GP6: variants seen among roughly 807,000 people sequenced by gnomAD.
GP6 encodes platelet glycoprotein VI.
A neutral mutation model predicts 37.3 loss-of-function variants in GP6; 45 were observed. The observed-to-expected ratio is 1.21, with a 90% confidence interval of 0.95 to 1.55. GP6 has a LOEUF of 1.55. Among genes scored for constraint, GP6 ranks in the 40% most tolerant of loss-of-function variants. The probability of loss-of-function intolerance (pLI) is 0.00; values close to 1 mark genes in which losing one functional copy is unlikely to be tolerated. For missense variants in GP6, 813 were observed against 760.2 expected, an observed-to-expected ratio of 1.07 and a Z score of -0.82; for synonymous variants, 340 against 316.4, an observed-to-expected ratio of 1.07 and a Z score of -0.79.
chr19:55,021,674 CCA>C (rs2074092835), intron 5 of GP6, among the ~76,000 whole-genome samples: 1 of 151,966 alleles, frequency 6.6e-6, no homozygotes. Context: ...GCGCCCGCCA[CCA>C]CGCCCGGCTA....
At chr19:55,024,360 A>ATGCACACACG (rs796633674) in intron 5 of GP6, among the ~76,000 whole-genome samples, 2 of 130,572 alleles carry the variant, frequency 1.5e-5, no homozygotes, top group South Asian at 2.3e-4. Context: ...ACGCACACAC[A>ATGCACACACG]CATATGCACG....
At chr19:55,031,444 C>T (rs903887696) in intron 3 of GP6, among the ~76,000 whole-genome samples, 7 of 151,990 alleles carry the variant, frequency 4.6e-5, no homozygotes, top group Non-Finnish European at 8.8e-5. Context: ...AAGACCCCAT[C>T]GCTAATTTTT....
intron 5 of GP6, among the ~76,000 whole-genome samples, chr19:55,023,119 A>G (rs1311107139): frequency 6.6e-6 from 1 of 152,222 alleles, no homozygotes; most frequent in Non-Finnish European, 1.5e-5. Context: ...ACAAGGTGAT[A>G]GTAACCAAAA....
rs771558250 is a variant in GP6 at position 55,032,187 on chromosome 19, C to T, written c.277G>A (p.Gly93Arg). The T allele has an allele frequency of 4.3e-6, 7 of 1,613,888 alleles. No homozygotes were observed. Among genetic ancestry groups the T allele is most frequent in the South Asian group, 1.1e-5 (1 of 91,084 alleles). Residue 93 changes from glycine (G) to arginine (R), a missense_variant, in exon 3 of 8, where the codon GGA becomes AGA. Gly to Arg is a moderately radical substitution (Grantham distance 125, BLOSUM62 -2). Coordinates refer to ENST00000310373, the MANE Select transcript of GP6 (RefSeq NM_001083899.2). Reference sequence around the variant, plus strand: ...TCGCTGGGCAGGGACCAGAGGCTTCCGTTCTGGTAGGAGCAGCGGTAGCGT... The same window carrying T: ...TCGCTGGGCAGGGACCAGAGGCTTCTGTTCTGGTAGGAGCAGCGGTAGCGT...
At position 55,029,356 on chromosome 19, in the gene GP6, A is replaced by T. The variant is rs1568628960; in HGVS notation, c.326-1494T>A. ...TATATATATATATATATATATATAT[A>T]TATATATATATATATATATTTTTTT... is the stretch of plus-strand genomic sequence containing the variant. On this transcript the variant is annotated intron_variant, in intron 3 of 7. Transcript: ENST00000310373. Among the ~76,000 whole-genome samples, 6 of 2,602 alleles carry T rather than the reference A, an allele frequency of 2.3e-3. 1 individual carries two copies. Among genetic ancestry groups the T allele is most frequent in the Non-Finnish European group, 2.5e-3 (4 of 1,600 alleles). The allele number at this position is 2,602 out of a possible 152,430, so 1.7% of individuals were successfully genotyped here.
chr19:55,032,388 G>C lies in GP6; in HGVS notation c.76C>G (p.Pro26Ala). The change falls in exon 3 of 8, where the codon CCC becomes GCC. Residue 26 changes from proline to alanine, a missense_variant. Coordinates refer to ENST00000310373, the MANE Select transcript of GP6 (RefSeq NM_001083899.2). The stretch of plus-strand genomic sequence containing the variant: ...GGCAGAGCCTGGAGGGAGGGCTTGG[G>C]GAGCGGTCCTGGAAGAGGAGCAGGG... The C allele has an allele frequency of 1.2e-6, 2 of 1,613,082 alleles. No individual in the cohort carries two copies. The highest frequency in any genetic ancestry group is 1.7e-6 in the Non-Finnish European group (2 of 1,179,492).
intron 3 of GP6, among the ~76,000 whole-genome samples, chr19:55,030,875 G>A (rs1415401132): frequency 1.3e-5 from 2 of 152,038 alleles, no homozygotes; most frequent in African/African-American, 4.8e-5. Context: ...TTGATACAGG[G>A]TCTCACTCTG....
chr19:55,026,191 T>C (rs2074296077), intron 4 of GP6, among the ~76,000 whole-genome samples: 2 of 152,220 alleles, frequency 1.3e-5, no homozygotes, highest in Admixed American at 6.5e-5. Flanking sequence ...AAAAACTAAA[T>C]GATGTATTTT....
chr19:55,017,722 C>T (rs2073927977), intron 6 of GP6, among the ~76,000 whole-genome samples: 1 of 152,050 alleles, frequency 6.6e-6, no homozygotes, highest in South Asian at 2.1e-4. Flanking sequence ...GAACTGCATC[C>T]TGAGGGTGAT....
At position 55,019,676 on chromosome 19, in the gene GP6, T is replaced by C. The variant is rs578143525; in HGVS notation, c.665-965A>G. 5.2e-4 allele frequency among the ~76,000 whole-genome samples: 66 copies of C among 127,198 alleles called. 2 individuals are homozygous for C. The Middle Eastern group carries it at 0.012, about 24-fold the overall frequency. The allele number at this position is 127,198 out of a possible 152,430, so 83.4% of individuals were successfully genotyped here. ...TTCCAACTTAGGCCATTTTCTTTTTTTCTTTTTTTTTTTTTTTTTGAGACA... is the reference window on the plus strand; with the variant it reads ...TTCCAACTTAGGCCATTTTCTTTTTCTCTTTTTTTTTTTTTTTTTGAGACA... On this transcript the variant is annotated intron_variant, in intron 5 of 7. Coordinates refer to ENST00000310373, the MANE Select transcript of GP6 (RefSeq NM_001083899.2).
chr19:55,015,393 C>T (rs1047436883), intron 7 of GP6, among the ~76,000 whole-genome samples: 1 of 152,330 alleles, frequency 6.6e-6, no homozygotes, highest in East Asian at 1.9e-4. Flanking sequence ...TGAGACAACT[C>T]CTCCCCAGAC....
chr19:55,031,303 G>C (rs550629903), intron 3 of GP6, among the ~76,000 whole-genome samples: 28 of 152,168 alleles, frequency 1.8e-4, no homozygotes, highest in Non-Finnish European at 3.7e-4. Context: ...AAGCACGGTG[G>C]CCCGTGACCG....
At chr19:55,036,945 A>G (rs1407040432) in intron 1 of GP6, among the ~76,000 whole-genome samples, 2 of 152,210 alleles carry the variant, frequency 1.3e-5, no homozygotes, top group Non-Finnish European at 2.9e-5. Flanking sequence ...CGGGAGGCAG[A>G]GTTTGCAGTG....
In GP6 at chr19:55,014,076, C is replaced by G. The variant is rs1452487182; in HGVS notation, c.*6G>C. The G allele has an allele frequency of 4.7e-6, 3 of 638,208 alleles. No homozygotes were observed. The highest frequency in any genetic ancestry group is 8.7e-6 in the Non-Finnish European group (3 of 344,522). The allele number at this position is 638,208 out of a possible 1,614,324, so 39.5% of individuals were successfully genotyped here. On this transcript the variant is annotated 3_prime_UTR_variant, in exon 8 of 8. Transcript: ENST00000310373. ...TATTGCAGTACATGTATACAACGTG[C>G]TATGATCAAATCAGGGTAATTGACA...
In GP6 at chr19:55,020,880, C is replaced by T. The variant is rs77987998; in HGVS notation, c.665-2169G>A. Among the ~76,000 whole-genome samples the T allele has an allele frequency of 3.9e-3, 584 of 149,640 alleles. 4 individuals are homozygous for T. Among genetic ancestry groups the T allele is most frequent in the African/African-American group, 0.014 (558 of 40,566 alleles). ...ACCCTGGCCAACATGGTGAAACTCC[C>T]GTCTCTAGCAAAAATCCAAAAATTA... On this transcript the variant is annotated intron_variant, in intron 5 of 7. Transcript: ENST00000310373.
chr19:55,037,772 C>G (rs1671208), intron 1 of GP6, among the ~76,000 whole-genome samples: 70,346 of 150,288 alleles, frequency 0.47, 16,878 homozygotes, highest in East Asian at 0.59. Flanking sequence ...GCTGGGATTA[C>G]AAGCACCCGC....
chr19:55,023,054 T>G (rs546912104), intron 5 of GP6, among the ~76,000 whole-genome samples: 24 of 152,110 alleles, frequency 1.6e-4, no homozygotes, highest in African/African-American at 5.8e-4. Flanking sequence ...GCCAAGACAA[T>G]ACTAAGCAAA....
intron 4 of GP6, among the ~76,000 whole-genome samples, chr19:55,026,301 C>A (rs949585287): frequency 6.6e-6 from 1 of 152,154 alleles, no homozygotes; most frequent in African/African-American, 2.4e-5. Context: ...ATTTTTCTTG[C>A]AAAACTGAAA....
At position 55,014,388 on chromosome 19, in the gene GP6, G is replaced by A; in HGVS notation, c.1557C>T (p.Phe519=). Reference sequence around the variant, plus strand: ...GTGCTAGTTTTACACTAAGGAAAATGAATGACATACCCAAACTGCCTGCAA... The same window carrying A: ...GTGCTAGTTTTACACTAAGGAAAATAAATGACATACCCAAACTGCCTGCAA... The change falls in exon 8 of 8, where the codon TTC becomes TTT. Residue 519 remains phenylalanine (F), a synonymous_variant. Coordinates refer to ENST00000310373, the MANE Select transcript of GP6 (RefSeq NM_001083899.2). The A allele has an allele frequency of 6.2e-7, 1 of 1,613,670 alleles. No homozygotes were observed. The highest frequency in any genetic ancestry group is 8.5e-7 in the Non-Finnish European group (1 of 1,179,600).
Sources: allele counts gnomAD v4.1 joint callset (sites outside exome capture counted in the v4.1 genomes callset), GRCh38; gene constraint gnomAD v4.1.1; transcripts MANE v1.5; gene names NCBI Gene and HGNC (gene_info 2026-07-23, HGNC 2026-07-21).